Variants in PLXDC2 observed in about 807,000 individuals in gnomAD.
The protein encoded by PLXDC2 is plexin domain containing 2, also known as plexin domain-containing protein 2.
In PLXDC2, 40 loss-of-function variants were observed where a neutral mutation model predicts 68.9. That is an observed-to-expected ratio of 0.58 (90% CI 0.45 to 0.76). PLXDC2 has a LOEUF of 0.76. PLXDC2 is among the 30% of genes least tolerant of loss of function. PLXDC2 has a pLI of 0.00. For missense variants in PLXDC2, 644 were observed against 661.9 expected, an observed-to-expected ratio of 0.97 and a Z score of 0.30; for synonymous variants, 243 against 234.2, an observed-to-expected ratio of 1.04 and a Z score of -0.34.
intron 2 of PLXDC2, among the ~76,000 whole-genome samples, chr10:20,040,259 C>T (rs1835659998): frequency 6.6e-6 from 1 of 152,178 alleles, no homozygotes; most frequent in Non-Finnish European, 1.5e-5. Flanking sequence ...TTTCCCAATG[C>T]ACCCCTTCCT....
At chr10:20,020,125 CCTTAGCCT>C (rs1472131616) in intron 2 of PLXDC2, among the ~76,000 whole-genome samples, 1 of 150,906 alleles carries the variant, frequency 6.6e-6, no homozygotes, top group Non-Finnish European at 1.5e-5. Context: ...GATCCTCCTG[CCTTAGCCT>C]CCTGAAAAGG....
At chr10:19,882,631 G>C (rs1221118737) in intron 1 of PLXDC2, among the ~76,000 whole-genome samples, 1 of 152,176 alleles carries the variant, frequency 6.6e-6, no homozygotes, top group Non-Finnish European at 1.5e-5. Context: ...ATAATAGTAT[G>C]AAAGGTTTCG....
chr10:20,262,377 A>T (rs542697652), intron 13 of PLXDC2, among the ~76,000 whole-genome samples: 1 of 152,346 alleles, frequency 6.6e-6, no homozygotes, highest in Non-Finnish European at 1.5e-5. Context: ...TTAAAAAATT[A>T]TGCTGCCCAG....
intron 1 of PLXDC2, among the ~76,000 whole-genome samples, chr10:19,958,834 T>C (rs1005299414): frequency 4.6e-5 from 7 of 152,208 alleles, no homozygotes; most frequent in Non-Finnish European, 8.8e-5. Context: ...TGTTTTGTTT[T>C]GTTTTTCAAA....
intron 1 of PLXDC2, among the ~76,000 whole-genome samples, chr10:19,936,808 G>T (rs1833733192): frequency 6.6e-6 from 1 of 152,130 alleles, no homozygotes; most frequent in African/African-American, 2.4e-5. Context: ...CAATTAACTT[G>T]ATATCTCCAA....
chr10:20,095,414 T>C (rs1204103843), intron 4 of PLXDC2, among the ~76,000 whole-genome samples: 1 of 152,088 alleles, frequency 6.6e-6, no homozygotes, highest in Non-Finnish European at 1.5e-5. Flanking sequence ...ACTAACTTAC[T>C]TGGACATAAA....
rs1836072197 is a variant in PLXDC2, at chr10:20,280,811, T to G, written c.*992T>G. ...ACACCCATTTCATTGCTGATTCCTG[T>G]CTAAGAAGCCATTCACGTCAGCATG... On this transcript the variant is annotated 3_prime_UTR_variant, in exon 14 of 14. Transcript: ENST00000377252. The G allele has an allele frequency of 6.6e-6, 1 of 152,112 alleles. No homozygotes were observed. Among genetic ancestry groups the G allele is most frequent in the African/African-American group, 2.4e-5 (1 of 41,428 alleles). 9.4% of individuals were successfully genotyped at this position (152,112 alleles called of 1,614,324 possible). A position where few individuals can be genotyped will look rare whatever the true frequency, so the allele number is the denominator to read the frequency against.
At chr10:20,233,369 T>TAAAAAA (rs113521840) in intron 12 of PLXDC2, among the ~76,000 whole-genome samples, 2 of 149,864 alleles carry the variant, frequency 1.3e-5, no homozygotes, top group African/African-American at 4.9e-5. Context: ...CTACAAAAAT[T>TAAAAAA]TAAAAAAAGT....
At chr10:19,965,083 C>T (rs1834225405) in intron 1 of PLXDC2, among the ~76,000 whole-genome samples, 1 of 152,130 alleles carries the variant, frequency 6.6e-6, no homozygotes, top group African/African-American at 2.4e-5. Context: ...CACTTTTCTA[C>T]AGTAATGCAT....
intron 1 of PLXDC2, among the ~76,000 whole-genome samples, chr10:19,963,816 C>G (rs1834200983): frequency 6.6e-6 from 1 of 151,700 alleles, no homozygotes; most frequent in African/African-American, 2.4e-5. Flanking sequence ...TGCACATGTA[C>G]CCTAGAACTT....
intron 12 of PLXDC2, among the ~76,000 whole-genome samples, chr10:20,227,065 G>T (rs1205887786): frequency 6.6e-6 from 1 of 151,986 alleles, no homozygotes; most frequent in Non-Finnish European, 1.5e-5. Context: ...GTAGTAGATG[G>T]CCCTATACCA....
intron 2 of PLXDC2, among the ~76,000 whole-genome samples, chr10:20,043,804 A>T (rs1835728457): frequency 6.6e-6 from 1 of 152,100 alleles, no homozygotes; most frequent in Admixed American, 6.6e-5. Context: ...TAAATGAATT[A>T]TTATTTTACA....
chr10:20,091,760 C>G (rs1833279996), intron 4 of PLXDC2: 1 of 152,286 alleles, frequency 6.6e-6, no homozygotes, highest in African/African-American at 2.4e-5. Flanking sequence ...GGTCCTAGGG[C>G]CTCAGCTTGA....
intron 4 of PLXDC2, among the ~76,000 whole-genome samples, chr10:20,075,796 G>A (rs898403189): frequency 5.3e-5 from 8 of 152,178 alleles, no homozygotes; most frequent in African/African-American, 1.9e-4. Context: ...GACAGGAATG[G>A]GGGAAGGTGG....
chr10:19,936,125 T>G (rs1318696430), intron 1 of PLXDC2, among the ~76,000 whole-genome samples: 1 of 152,230 alleles, frequency 6.6e-6, no homozygotes, highest in Non-Finnish European at 1.5e-5. Context: ...ATAGAAAAAT[T>G]ACAAATTCCA....
intron 1 of PLXDC2, among the ~76,000 whole-genome samples, chr10:19,996,954 T>G (rs1027234686): frequency 6.6e-6 from 1 of 151,990 alleles, no homozygotes; most frequent in African/African-American, 2.4e-5. Context: ...TCCCACTGTT[T>G]CCCTCCCACA....
intron 1 of PLXDC2, among the ~76,000 whole-genome samples, chr10:19,845,500 A>G (rs999060923): frequency 4.6e-5 from 7 of 152,160 alleles, no homozygotes; most frequent in African/African-American, 1.7e-4. Context: ...CCATGTCAGG[A>G]GTGACCAAAT....
At chr10:20,051,545 T>C (rs1008182201) in intron 3 of PLXDC2, among the ~76,000 whole-genome samples, 7 of 151,398 alleles carry the variant, frequency 4.6e-5, no homozygotes, top group Admixed American at 4.0e-4. Context: ...TAATACTCTT[T>C]CTCTTAATTT....
At chr10:19,845,890 A>G (rs1014723662) in intron 1 of PLXDC2, among the ~76,000 whole-genome samples, 6 of 152,104 alleles carry the variant, frequency 3.9e-5, no homozygotes, top group Admixed American at 6.6e-5. Flanking sequence ...GGCATGCCAT[A>G]CTAGTGGGCC....
Sources: gnomAD v4.1 joint callset for allele counts (sites outside exome capture counted in the v4.1 genomes callset) on GRCh38, gnomAD v4.1.1 for gene constraint, MANE v1.5 for transcripts, NCBI Gene and HGNC (gene_info 2026-07-23, HGNC 2026-07-21) for gene names.